TAFA2: variants seen among roughly 807,000 people sequenced by gnomAD.
TAFA2 encodes the protein TAFA chemokine like family member 2.
A neutral mutation model predicts 18.8 loss-of-function variants in TAFA2; 7 were observed. The observed-to-expected ratio is 0.37, with a 90% confidence interval of 0.21 to 0.70. TAFA2 has a LOEUF of 0.70. TAFA2 is among the 30% of genes least tolerant of loss of function. TAFA2 has a pLI of 0.53. For synonymous variants in TAFA2, 60 were observed against 54.2 expected (o/e 1.11, Z -0.47); for missense variants, 122 against 158.1 (o/e 0.77, Z 1.23).
At chr12:61,999,219 T>C (rs1037266288) in intron 1 of TAFA2, among the ~76,000 whole-genome samples, 1 of 152,336 alleles carries the variant, frequency 6.6e-6, no homozygotes, top group African/African-American at 2.4e-5. Context: ...AGCTAAAGCA[T>C]GCCCCTTCTT....
intron 1 of TAFA2, among the ~76,000 whole-genome samples, chr12:62,101,285 A>AGT (rs913969986): frequency 4.6e-5 from 7 of 152,188 alleles, no homozygotes; most frequent in Admixed American, 2.0e-4. Flanking sequence ...TAACCAATAC[A>AGT]GTGCCATGGC....
At chr12:62,217,808 T>C (rs2062741897) in intron 1 of TAFA2, among the ~76,000 whole-genome samples, 1 of 152,146 alleles carries the variant, frequency 6.6e-6, no homozygotes, top group Non-Finnish European at 1.5e-5. Flanking sequence ...TCAGACAAAT[T>C]TGCATCTTAG....
At chr12:62,050,840 T>C (rs757916056) in intron 1 of TAFA2, among the ~76,000 whole-genome samples, 21 of 152,182 alleles carry the variant, frequency 1.4e-4, no homozygotes, top group African/African-American at 4.3e-4. Flanking sequence ...ATTTACACCA[T>C]AGGAACTGGC....
At chr12:61,890,064 C>A (rs1223849516) in intron 1 of TAFA2, among the ~76,000 whole-genome samples, 1 of 152,198 alleles carries the variant, frequency 6.6e-6, no homozygotes, top group Non-Finnish European at 1.5e-5. Context: ...TAAAATGGCA[C>A]CACAATTTAT....
intron 1 of TAFA2, among the ~76,000 whole-genome samples, chr12:61,912,537 T>C (rs1876652358): frequency 6.6e-6 from 1 of 152,214 alleles, no homozygotes; most frequent in African/African-American, 2.4e-5. Flanking sequence ...CGAATCATTT[T>C]TTAAAAAATT....
chr12:62,177,470 C>A lies in TAFA2; in HGVS notation c.-2+13789G>T, dbSNP rs1592384430. 2.0e-5 allele frequency among the ~76,000 whole-genome samples: 3 copies of A among 152,316 alleles called. 1 individual carries two copies. Among genetic ancestry groups the A allele is most frequent in the Admixed American group, 2.0e-4 (3 of 15,296 alleles). On this transcript the variant is annotated intron_variant, in intron 1 of 4. Transcript: ENST00000416284. ...TTATACACATTATTGTTCCCCAAAT[C>A]TCTCTCCTTGGTGTTAAGACATTTC... is the stretch of plus-strand genomic sequence containing the variant.
chr12:61,918,982 T>C (rs1876937544), intron 1 of TAFA2, among the ~76,000 whole-genome samples: 1 of 152,244 alleles, frequency 6.6e-6, no homozygotes, highest in African/African-American at 2.4e-5. Flanking sequence ...AGAACCATAG[T>C]TCCAATCTCT....
chr12:61,848,999 G>A (rs939721072), intron 2 of TAFA2, among the ~76,000 whole-genome samples: 5 of 151,836 alleles, frequency 3.3e-5, no homozygotes, highest in African/African-American at 4.8e-5. Context: ...CCGCCACAAC[G>A]GCTGGCTAAT....
chr12:61,777,285 C>A (rs1870305459), intron 2 of TAFA2, among the ~76,000 whole-genome samples: 1 of 151,868 alleles, frequency 6.6e-6, no homozygotes, highest in Non-Finnish European at 1.5e-5. Flanking sequence ...TCAGTTTCCT[C>A]ATCTGCAAAT....
chr12:62,062,846 T>C (rs1592312989), intron 1 of TAFA2, among the ~76,000 whole-genome samples: 3 of 152,150 alleles, frequency 2.0e-5, no homozygotes, highest in African/African-American at 7.2e-5. Context: ...GGTAAAGGCC[T>C]TTCCCAGCTT....
intron 1 of TAFA2, among the ~76,000 whole-genome samples, chr12:62,250,096 G>A (rs2062905443): frequency 6.6e-6 from 1 of 152,186 alleles, no homozygotes; most frequent in Non-Finnish European, 1.5e-5. Flanking sequence ...AAGCACTCAT[G>A]GTGGAAGGCA....
chr12:62,246,026 G>A (rs1156366724), intron 1 of TAFA2, among the ~76,000 whole-genome samples: 4 of 143,834 alleles, frequency 2.8e-5, no homozygotes, highest in Admixed American at 7.1e-5. Flanking sequence ...TCACTCTGTC[G>A]CCCAGGCTGG....
intron 1 of TAFA2, 31 bp from the exon 2 acceptor site, chr12:61,867,457 G>C (rs373409433): frequency 3.0e-4 from 397 of 1,327,666 alleles, no homozygotes; most frequent in Non-Finnish European, 4.0e-4. Context: ...AAAATCATAA[G>C]TATGCAAATT....
chr12:61,733,116 G>A (rs7489009), intron 4 of TAFA2, among the ~76,000 whole-genome samples: 1 of 151,634 alleles, frequency 6.6e-6, no homozygotes, highest in East Asian at 1.9e-4. Flanking sequence ...TTTTGATGGG[G>A]TTGTTTGTTT....
In TAFA2 at chr12:61,816,501, A is replaced by G. The variant is rs184143026; in HGVS notation, c.106+50819T>C. On this transcript the variant is annotated intron_variant, in intron 2 of 4. Transcript: ENST00000416284. Reference sequence around the variant, plus strand: ...TGAACATTTGCATGCATGTGTCTTTATTGTAGAATAATTTATATTCCCCTG... The same window carrying G: ...TGAACATTTGCATGCATGTGTCTTTGTTGTAGAATAATTTATATTCCCCTG... Among the ~76,000 whole-genome samples the G allele has an allele frequency of 7.5e-4, 114 of 151,312 alleles. 4 individuals are homozygous for G. Among genetic ancestry groups the G allele is most frequent in the African/African-American group, 2.7e-3 (109 of 40,668 alleles).
At chr12:62,066,870 G>A (rs2136797002) in intron 1 of TAFA2, among the ~76,000 whole-genome samples, 1 of 152,086 alleles carries the variant, frequency 6.6e-6, no homozygotes, top group East Asian at 1.9e-4. Context: ...TCTATTTTCA[G>A]TTTCTTAAGG....
chr12:62,103,214 A>G lies in TAFA2; in HGVS notation c.-2+88045T>C, dbSNP rs139012217. 1.8e-3 allele frequency among the ~76,000 whole-genome samples: 281 copies of G among 152,320 alleles called. 2 individuals carry two copies. The highest frequency in any genetic ancestry group is 6.4e-3 in the African/African-American group (265 of 41,550). On this transcript the variant is annotated intron_variant, in intron 1 of 4. Coordinates refer to ENST00000416284, the MANE Select transcript of TAFA2 (RefSeq NM_178539.5). ...AAAATCCTGTTTGCTGTTCATTCAGAAATGTTGCTTCCCCAGAACTTCTGG... is the reference window on the plus strand; with the variant it reads ...AAAATCCTGTTTGCTGTTCATTCAGGAATGTTGCTTCCCCAGAACTTCTGG...
intron 1 of TAFA2, among the ~76,000 whole-genome samples, chr12:62,218,648 T>C (rs1239088965): frequency 2.0e-5 from 3 of 152,232 alleles, no homozygotes; most frequent in African/African-American, 7.2e-5. Context: ...AGTACTACTA[T>C]CTTTACGATC....
chr12:62,190,488 G>C (rs1315364204), intron 1 of TAFA2, among the ~76,000 whole-genome samples: 1 of 152,154 alleles, frequency 6.6e-6, no homozygotes, highest in Non-Finnish European at 1.5e-5. Context: ...CAAGATCCGG[G>C]AGACATCTAA....
Sources: gnomAD v4.1 joint callset for allele counts (sites outside exome capture counted in the v4.1 genomes callset) on GRCh38, gnomAD v4.1.1 for gene constraint, MANE v1.5 for transcripts, NCBI Gene and HGNC (gene_info 2026-07-23, HGNC 2026-07-21) for gene names.